CNTN5: variants seen among roughly 807,000 people sequenced by gnomAD.
The protein encoded by CNTN5 is contactin-5.
In CNTN5, 77 loss-of-function variants were observed where a neutral mutation model predicts 129.1. That is an observed-to-expected ratio of 0.60 (90% CI 0.50 to 0.72). The LOEUF (loss-of-function observed/expected upper bound fraction) is 0.72. CNTN5 is among the 30% of genes least tolerant of loss of function. CNTN5 has a pLI of 0.00. For missense variants in CNTN5, 1,478 were observed against 1,328.8 expected (o/e 1.11, Z -1.75); for synonymous variants, 509 against 465.6 (o/e 1.09, Z -1.20).
intron 2 of CNTN5, among the ~76,000 whole-genome samples, chr11:99,535,888 A>T (rs1162943815): frequency 6.6e-6 from 1 of 152,134 alleles, no homozygotes. Context: ...ATTACTTCTT[A>T]TTTGATTCCT....
intron 7 of CNTN5, among the ~76,000 whole-genome samples, chr11:99,940,990 G>A (rs907531799): frequency 2.0e-5 from 3 of 152,100 alleles, no homozygotes; most frequent in African/African-American, 7.2e-5. Flanking sequence ...AACTGAATCA[G>A]TTTGAAAAAG....
intron 1 of CNTN5, among the ~76,000 whole-genome samples, chr11:99,316,684 G>C (rs1865353534): frequency 6.6e-6 from 1 of 150,908 alleles, no homozygotes; most frequent in Admixed American, 6.6e-5. Flanking sequence ...AATATTCTAA[G>C]CACTTCAGTT....
At chr11:99,622,869 C>T (rs1230011515) in intron 3 of CNTN5, among the ~76,000 whole-genome samples, 2 of 151,418 alleles carry the variant, frequency 1.3e-5, no homozygotes, top group Non-Finnish European at 2.9e-5. Flanking sequence ...CCTGCATGCT[C>T]TTTTTCAAAA....
At chr11:99,594,036 T>A (rs1565331170) in intron 3 of CNTN5, among the ~76,000 whole-genome samples, 1 of 152,330 alleles carries the variant, frequency 6.6e-6, no homozygotes, top group South Asian at 2.1e-4. Flanking sequence ...ACTGGGATGT[T>A]CTATGGACAT....
intron 1 of CNTN5, among the ~76,000 whole-genome samples, chr11:99,271,285 A>G (rs938591527): frequency 3.3e-5 from 5 of 151,878 alleles, no homozygotes; most frequent in Admixed American, 1.3e-4. Context: ...TTTTGATGAA[A>G]AACACGCACG....
At chr11:100,217,475 T>C (rs1432692795) in intron 15 of CNTN5, among the ~76,000 whole-genome samples, 1 of 152,210 alleles carries the variant, frequency 6.6e-6, no homozygotes, top group Non-Finnish European at 1.5e-5. Flanking sequence ...AATGTATAGC[T>C]ACTGTAGAAT....
At chr11:100,175,999 T>G (rs182660367) in intron 13 of CNTN5, among the ~76,000 whole-genome samples, 1 of 152,164 alleles carries the variant, frequency 6.6e-6, no homozygotes, top group Admixed American at 6.5e-5. Flanking sequence ...ACTTTTATAA[T>G]TGACTTTATA....
At chr11:99,340,163 T>C (rs889112424) in intron 2 of CNTN5, among the ~76,000 whole-genome samples, 2 of 152,160 alleles carry the variant, frequency 1.3e-5, no homozygotes, top group Non-Finnish European at 2.9e-5. Flanking sequence ...AGATTCTTCT[T>C]GTTGAGATTG....
At chr11:100,148,556 C>G (rs1591315847) in intron 13 of CNTN5, among the ~76,000 whole-genome samples, 1 of 152,184 alleles carries the variant, frequency 6.6e-6, no homozygotes, top group African/African-American at 2.4e-5. Flanking sequence ...AACTAACTCC[C>G]TTTGATCTCA....
At chr11:99,591,624 C>T (rs548404780) in intron 3 of CNTN5, among the ~76,000 whole-genome samples, 1 of 152,260 alleles carries the variant, frequency 6.6e-6, no homozygotes, top group East Asian at 1.9e-4. Context: ...AGGCGTGAGC[C>T]ACCACGCCCA....
chr11:99,420,517 C>A (rs1942841786), intron 2 of CNTN5, among the ~76,000 whole-genome samples: 1 of 152,102 alleles, frequency 6.6e-6, no homozygotes, highest in African/African-American at 2.4e-5. Flanking sequence ...ATAAAAAGAG[C>A]AAGCTTCTAC....
At chr11:99,994,313 TGTC>T (rs34401209) in intron 8 of CNTN5, among the ~76,000 whole-genome samples, 44,169 of 151,782 alleles carry the variant, frequency 0.29, 6,758 homozygotes, top group African/African-American at 0.37. Context: ...GAGCCTAAAA[TGTC>T]GTACAACCTT....
chr11:99,662,304 T>C (rs1952622635), intron 3 of CNTN5, among the ~76,000 whole-genome samples: 1 of 152,178 alleles, frequency 6.6e-6, no homozygotes, highest in African/African-American at 2.4e-5. Flanking sequence ...ATATTTGGTA[T>C]ATCCCATATG....
intron 3 of CNTN5, among the ~76,000 whole-genome samples, chr11:99,750,208 AC>A (rs1053792951): frequency 2.1e-4 from 32 of 152,168 alleles, no homozygotes; most frequent in African/African-American, 7.7e-4. Flanking sequence ...AAATTAATAT[AC>A]CTTGAGATGT....
chr11:99,718,312 G>A (rs997591496), intron 3 of CNTN5, among the ~76,000 whole-genome samples: 5 of 152,062 alleles, frequency 3.3e-5, no homozygotes, highest in Non-Finnish European at 5.9e-5. Flanking sequence ...CATTAAAAAT[G>A]CACTTTTTGA....
chr11:100,204,562 A>G (rs1201357387), intron 15 of CNTN5, among the ~76,000 whole-genome samples: 2 of 150,206 alleles, frequency 1.3e-5, no homozygotes, highest in Non-Finnish European at 3.0e-5. Flanking sequence ...TATAGCCCCC[A>G]CCTCCCAGAC....
intron 3 of CNTN5, among the ~76,000 whole-genome samples, chr11:99,584,342 G>T (rs571797088): frequency 1.4e-4 from 22 of 152,252 alleles, no homozygotes; most frequent in African/African-American, 5.3e-4. Context: ...CCTGATTACT[G>T]TTATATCCTT....
At chr11:99,719,830 GA>G in intron 3 of CNTN5, among the ~76,000 whole-genome samples, 1 of 152,048 alleles carries the variant, frequency 6.6e-6, no homozygotes, top group South Asian at 2.1e-4. Context: ...AACACATTTA[GA>G]AATGACAAAG....
chr11:100,195,423 CCTTT>C (rs1270255753), intron 15 of CNTN5, among the ~76,000 whole-genome samples: 3 of 151,924 alleles, frequency 2.0e-5, no homozygotes, highest in African/African-American at 7.2e-5. Flanking sequence ...TCAATAAATA[CCTTT>C]TTTTCCATGA....
Sources: allele counts gnomAD v4.1 joint callset (sites outside exome capture counted in the v4.1 genomes callset), GRCh38; gene constraint gnomAD v4.1.1; transcripts MANE v1.5; gene names NCBI Gene and HGNC (gene_info 2026-07-23, HGNC 2026-07-21).